The following ABLIM1 variants were observed in gnomAD, a reference collection of about 807,000 sequenced individuals.
The protein encoded by ABLIM1 is actin binding LIM protein 1.
In ABLIM1, 40 loss-of-function variants were observed where a neutral mutation model predicts 107.0. The observed-to-expected ratio is 0.37, with a 90% CI of 0.29 to 0.49. The LOEUF (loss-of-function observed/expected upper bound fraction) is 0.49. Among genes scored for constraint, ABLIM1 ranks in the 20% least tolerant of loss-of-function variants. ABLIM1 has a pLI of 0.97. For synonymous variants in ABLIM1, 357 were observed against 357.3 expected, an observed-to-expected ratio of 1.00 and a Z score of 0.01; for missense variants, 857 against 1,008.5, an observed-to-expected ratio of 0.85 and a Z score of 2.04.
At chr10:114,636,723 A>T (rs1308398066) in intron 1 of ABLIM1, among the ~76,000 whole-genome samples, 1 of 152,124 alleles carries the variant, frequency 6.6e-6, no homozygotes, top group Non-Finnish European at 1.5e-5. Context: ...TTTCATTCAC[A>T]CTAGGCTGAT....
In ABLIM1 at chr10:114,741,216, C is replaced by CTTTT. The variant is rs751287379; in HGVS notation, c.-213+26841_-213+26844dup. Among the ~76,000 whole-genome samples, 32 of 59,892 alleles carry CTTTT rather than the reference C, an allele frequency of 5.3e-4. 4 individuals are homozygous for CTTTT. Among genetic ancestry groups the CTTTT allele is most frequent in the Non-Finnish European group, 7.3e-4 (23 of 31,596 alleles). 39.3% of individuals were successfully genotyped at this position (59,892 alleles called of 152,430 possible). A position where few individuals can be genotyped will look rare whatever the true frequency, so the allele number is the denominator to read the frequency against. On this transcript the variant is annotated intron_variant, in intron 1 of 15. Transcript: ENST00000651092. ...ATAACACCTTGATAGGACTATTCTT[C>CTTTT]TTTTTTTTTTTTTTTTTTTTTTTTT...
Position 114,490,830 on chromosome 10 carries a change from G to A in ABLIM1, c.982+961C>T, listed in dbSNP as rs555564621. Among the ~76,000 whole-genome samples the A allele has an allele frequency of 2.7e-5, 4 of 147,404 alleles. No homozygotes were observed. In the East Asian group the frequency reaches 8.0e-4, roughly 30 times the overall value. The stretch of plus-strand genomic sequence containing the variant: ...TATGCTTATTTTTTTTGTCTTTTTT[G>A]TTTTTTTTCTTCCTTTTTGTGGAGA... On this transcript the variant is annotated intron_variant, in intron 7 of 22. Transcript: ENST00000533213.
At chr10:114,539,464 T>A (rs117306342) in intron 6 of ABLIM1, among the ~76,000 whole-genome samples, 2 of 152,324 alleles carry the variant, frequency 1.3e-5, no homozygotes, top group East Asian at 3.9e-4. Context: ...AACAATCTAC[T>A]TTTAGCTATG....
At chr10:114,583,466 CACATATATATATAT>C (rs2073817441) in intron 2 of ABLIM1, among the ~76,000 whole-genome samples, 10 of 7,088 alleles carry the variant, frequency 1.4e-3, no homozygotes, top group African/African-American at 2.2e-3. Context: ...CACACACACA[CACATATATATATAT>C]ATATATATAT....
chr10:114,764,775 G>GGCTCTGAC (rs2082844553), intron 1 of ABLIM1: 1 of 152,350 alleles, frequency 6.6e-6, no homozygotes, highest in Non-Finnish European at 1.5e-5. Context: ...CCTGCTGGCT[G>GGCTCTGAC]GCTCTGACAT....
At chr10:114,448,237 A>G (rs576744149) in intron 14 of ABLIM1, among the ~76,000 whole-genome samples, 7 of 152,338 alleles carry the variant, frequency 4.6e-5, no homozygotes, top group African/African-American at 1.7e-4. Context: ...TTCATTCTAC[A>G]TGTGTTCTAC....
At chr10:114,595,730 C>T (rs1305242683) in intron 2 of ABLIM1, among the ~76,000 whole-genome samples, 1 of 152,128 alleles carries the variant, frequency 6.6e-6, no homozygotes, top group Non-Finnish European at 1.5e-5. Context: ...ATCTAATTAC[C>T]ACCCGGGTAC....
rs145491790 is a variant in ABLIM1, at chr10:114,622,461, G to C, written c.245-20500C>G. Among the ~76,000 whole-genome samples, 526 of 151,532 alleles carry C rather than the reference G, an allele frequency of 3.5e-3. 3 individuals are homozygous for C. Among genetic ancestry groups the C allele is most frequent in the African/African-American group, 0.012 (500 of 41,340 alleles). On this transcript the variant is annotated intron_variant, in intron 1 of 22. Coordinates refer to ENST00000533213, the MANE Select transcript of ABLIM1 (RefSeq NM_002313.7). ...GGAATTTTGTTTTTTGGAGAGACAG[G>C]GTCTCACACTTCCGAGCTCAAGTGA...
chr10:114,709,771 G>C (rs2081507505), intron 1 of ABLIM1, among the ~76,000 whole-genome samples: 1 of 152,152 alleles, frequency 6.6e-6, no homozygotes. Flanking sequence ...TTAATCAGCT[G>C]CTTGTTAGTT....
At chr10:114,695,177 T>A (rs2141767063) in intron 1 of ABLIM1, among the ~76,000 whole-genome samples, 1 of 152,286 alleles carries the variant, frequency 6.6e-6, no homozygotes, top group Admixed American at 6.5e-5. Context: ...CAACTAACCA[T>A]CTGTTAAGCA....
chr10:114,511,983 T>C (rs1168265527), intron 6 of ABLIM1, among the ~76,000 whole-genome samples: 1 of 152,206 alleles, frequency 6.6e-6, no homozygotes, highest in Non-Finnish European at 1.5e-5. Context: ...TCTCTCAGTG[T>C]CTTCCTGGAG....
chr10:114,800,744 T>C, the ABLIM1 span, among the ~76,000 whole-genome samples: 1 of 152,072 alleles, frequency 6.6e-6, no homozygotes, highest in Non-Finnish European at 1.5e-5. Context: ...AAGCCCCATC[T>C]CTACTAAAAA....
At chr10:114,588,129 C>A (rs1483827923) in intron 2 of ABLIM1, among the ~76,000 whole-genome samples, 1 of 152,154 alleles carries the variant, frequency 6.6e-6, no homozygotes, top group Non-Finnish European at 1.5e-5. Context: ...GGGTTTTCAT[C>A]ATTGATGATC....
At chr10:114,523,941 G>C (rs187969245) in intron 6 of ABLIM1, among the ~76,000 whole-genome samples, 1 of 152,272 alleles carries the variant, frequency 6.6e-6, no homozygotes, top group African/African-American at 2.4e-5. Context: ...TAATTACGAA[G>C]AACTGTTACT....
At chr10:114,708,958 A>G (rs2081483741) in intron 1 of ABLIM1, among the ~76,000 whole-genome samples, 2 of 152,154 alleles carry the variant, frequency 1.3e-5, no homozygotes, top group Admixed American at 1.3e-4. Context: ...CAGCATTGGA[A>G]TGGCACTGGT....
At chr10:114,607,126 G>T (rs191071769) in intron 1 of ABLIM1, among the ~76,000 whole-genome samples, 4 of 152,154 alleles carry the variant, frequency 2.6e-5, no homozygotes, top group Non-Finnish European at 4.4e-5. Flanking sequence ...GCAGTGGTGC[G>T]ATCTTGGCTC....
chr10:114,499,506 C>T (rs2060109862), intron 6 of ABLIM1, among the ~76,000 whole-genome samples: 1 of 152,210 alleles, frequency 6.6e-6, no homozygotes, highest in African/African-American at 2.4e-5. Context: ...CACCTAGAGG[C>T]TGGTGGGTTG....
At chr10:114,607,393 C>T (rs1380574502) in intron 1 of ABLIM1, among the ~76,000 whole-genome samples, 1 of 152,056 alleles carries the variant, frequency 6.6e-6, no homozygotes, top group Non-Finnish European at 1.5e-5. Flanking sequence ...ACCAGCAAAG[C>T]GTATTCTACC....
At chr10:114,656,535 G>A (rs186665346) in intron 1 of ABLIM1, among the ~76,000 whole-genome samples, 170 of 152,008 alleles carry the variant, frequency 1.1e-3, no homozygotes, top group African/African-American at 3.8e-3. Flanking sequence ...TCACACACGC[G>A]TGTGTGAGGT....
Sources: allele counts gnomAD v4.1 joint callset (sites outside exome capture counted in the v4.1 genomes callset), GRCh38; gene constraint gnomAD v4.1.1; transcripts MANE v1.5; gene names NCBI Gene and HGNC (gene_info 2026-07-23, HGNC 2026-07-21).